Variants in VPS13B observed in about 807,000 individuals in gnomAD.
VPS13B encodes intermembrane lipid transfer protein VPS13B.
A neutral mutation model predicts 426.4 loss-of-function variants in VPS13B; 285 were observed. The ratio of observed to expected loss-of-function variants is 0.67; its 90% CI spans 0.61 to 0.74. The LOEUF (loss-of-function observed/expected upper bound fraction) is 0.74. Ranked by LOEUF, VPS13B falls within the 30% of genes least tolerant of loss-of-function variation. VPS13B has a pLI of 0.00. For synonymous variants in VPS13B, 1,676 were observed against 1,676.4 expected (o/e 1.00, Z 0.01); for missense variants, 4,537 against 4,782.6 (o/e 0.95, Z 1.51).
In VPS13B at chr8:99,697,289, G is replaced by A. The variant is rs549250672; in HGVS notation, c.6047-2236G>A. Reference sequence around the variant, plus strand: ...ACCACAAGGAGCTGCAGAAGCGCTCGGAGTTGGAGAAGGATGTCGCGCCCG... The same window carrying A: ...ACCACAAGGAGCTGCAGAAGCGCTCAGAGTTGGAGAAGGATGTCGCGCCCG... On this transcript the variant is annotated intron_variant, in intron 35 of 61. Transcript: ENST00000357162. 1.6e-4 allele frequency: 94 copies of A among 577,298 alleles called. 1 individual carries two copies. Among genetic ancestry groups the A allele is most frequent in the African/African-American group, 1.2e-3 (63 of 53,182 alleles). 35.8% of individuals were successfully genotyped at this position (577,298 alleles called of 1,614,324 possible). A position where few individuals can be genotyped will look rare whatever the true frequency, so the allele number is the denominator to read the frequency against.
intron 19 of VPS13B, among the ~76,000 whole-genome samples, chr8:99,373,953 G>A (rs576462384): frequency 1.3e-5 from 2 of 151,954 alleles, no homozygotes; most frequent in Non-Finnish European, 2.9e-5. Flanking sequence ...TCAATCTAAA[G>A]CATTTATCTT....
In VPS13B at chr8:99,378,137, C is replaced by A. The variant is rs1037123662; in HGVS notation, c.2825-6071C>A. Among the ~76,000 whole-genome samples the A allele has an allele frequency of 5.2e-4, 65 of 125,586 alleles. 6 individuals are homozygous for A. The highest frequency in any genetic ancestry group is 1.8e-3 in the African/African-American group (59 of 33,658). 82.4% of individuals were successfully genotyped at this position (125,586 alleles called of 152,430 possible). A position where few individuals can be genotyped will look rare whatever the true frequency, so the allele number is the denominator to read the frequency against. On this transcript the variant is annotated intron_variant, in intron 19 of 61. Transcript: ENST00000357162. ...CCCCCAGAGCGGCCATTTTAGAGCC[C>A]CCCCCCCCCGGAATGCATTCTTTTC...
intron 2 of VPS13B, among the ~76,000 whole-genome samples, chr8:99,026,048 GTTTGT>G (rs1036219714): frequency 2.0e-5 from 3 of 151,846 alleles, no homozygotes; most frequent in African/African-American, 7.3e-5. Flanking sequence ...CTAATTTTGT[GTTTGT>G]TTTGTTCTTG....
intron 35 of VPS13B, among the ~76,000 whole-genome samples, chr8:99,666,586 A>G (rs1269800937): frequency 1.3e-5 from 2 of 152,182 alleles, no homozygotes; most frequent in Non-Finnish European, 2.9e-5. Flanking sequence ...GATGCAGAAA[A>G]GGCCTTTGAC....
chr8:99,465,127 G>A (rs1432355701), intron 23 of VPS13B, among the ~76,000 whole-genome samples: 1 of 152,162 alleles, frequency 6.6e-6, no homozygotes, highest in African/African-American at 2.4e-5. Flanking sequence ...TCTCAGAATA[G>A]TATGTGGTTC....
chr8:99,456,847 G>C (rs1381216854), intron 23 of VPS13B, among the ~76,000 whole-genome samples: 3 of 152,078 alleles, frequency 2.0e-5, no homozygotes, highest in Non-Finnish European at 4.4e-5. Flanking sequence ...TCCTGTTTTT[G>C]TAAGTGTGTA....
intron 2 of VPS13B, among the ~76,000 whole-genome samples, chr8:99,030,134 G>A (rs1301329590): frequency 4.3e-4 from 13 of 30,376 alleles, no homozygotes; most frequent in African/African-American, 1.6e-3. Context: ...AAAAATACAT[G>A]CTTTTTTTTT....
At position 99,384,373 on chromosome 8, in the gene VPS13B, G is replaced by C. The variant is rs1814003019; in HGVS notation, c.2934+56G>C. 2.6e-5 allele frequency: 36 copies of C among 1,381,722 alleles called. 2 individuals carry two copies. In the South Asian group the frequency reaches 3.4e-4, roughly 13 times the overall value. The allele number at this position is 1,381,722 out of a possible 1,614,324, so 85.6% of individuals were successfully genotyped here. On this transcript the variant is annotated intron_variant, in intron 20 of 61. Transcript: ENST00000357162. ...AACAAATATTTTTCTTATTCATTTA[G>C]TAGAATTATATATGTCTTTTGATGG...
At chr8:99,543,316 A>G (rs1823743154) in intron 30 of VPS13B, among the ~76,000 whole-genome samples, 1 of 152,204 alleles carries the variant, frequency 6.6e-6, no homozygotes, top group Non-Finnish European at 1.5e-5. Context: ...TCAATTCAAG[A>G]TGGATTAAAG....
chr8:99,181,427 G>A (rs1393961128), intron 16 of VPS13B, among the ~76,000 whole-genome samples: 1 of 152,168 alleles, frequency 6.6e-6, no homozygotes, highest in African/African-American at 2.4e-5. Flanking sequence ...TTAGGAGCAT[G>A]GACCTCAGAA....
At chr8:99,731,148 T>C (rs1169173555) in intron 39 of VPS13B, among the ~76,000 whole-genome samples, 1 of 152,156 alleles carries the variant, frequency 6.6e-6, no homozygotes, top group Non-Finnish European at 1.5e-5. Context: ...ATGGGATTAG[T>C]GGAAGAGTGA....
At chr8:99,171,381 C>A (rs1812321844) in intron 16 of VPS13B, among the ~76,000 whole-genome samples, 2 of 151,842 alleles carry the variant, frequency 1.3e-5, no homozygotes, top group Non-Finnish European at 2.9e-5. Context: ...AAACTATTTT[C>A]TCCGTTATGT....
At chr8:99,792,321 G>C (rs973363070) in intron 43 of VPS13B, among the ~76,000 whole-genome samples, 7 of 152,146 alleles carry the variant, frequency 4.6e-5, no homozygotes, top group Admixed American at 1.3e-4. Context: ...ACAATTAATA[G>C]ATGCTAATCC....
chr8:99,775,154 C>G (rs1407063946), intron 40 of VPS13B, among the ~76,000 whole-genome samples: 3 of 152,152 alleles, frequency 2.0e-5, no homozygotes, highest in African/African-American at 7.2e-5. Context: ...TTCCCACTTT[C>G]CTATTCCTGG....
At chr8:99,330,746 A>G (rs945505516) in intron 19 of VPS13B, among the ~76,000 whole-genome samples, 2 of 151,810 alleles carry the variant, frequency 1.3e-5, no homozygotes, top group South Asian at 2.1e-4. Flanking sequence ...TGATCTAGTC[A>G]TTGTCTTCAA....
In VPS13B at chr8:99,832,663, T is replaced by G. The variant is rs772481590; in HGVS notation, c.9614+11T>G. The G allele has an allele frequency of 3.7e-6, 6 of 1,612,778 alleles. No individual in the cohort carries two copies. Among genetic ancestry groups the G allele is most frequent in the Non-Finnish European group, 5.1e-6 (6 of 1,179,718 alleles). On this transcript the variant is annotated intron_variant, in intron 52 of 61. Transcript: ENST00000357162. Reference sequence around the variant, plus strand: ...TGGATTCTGTACCAGGTATTTTATGTTTATATAAATGTCTGTTCTTCTTTG... The same window carrying G: ...TGGATTCTGTACCAGGTATTTTATGGTTATATAAATGTCTGTTCTTCTTTG...
intron 39 of VPS13B, among the ~76,000 whole-genome samples, chr8:99,751,579 C>T (rs1810397649): frequency 6.6e-6 from 1 of 152,052 alleles, no homozygotes; most frequent in South Asian, 2.1e-4. Flanking sequence ...CCCTAGTTTA[C>T]ACTTATCATG....
Position 99,830,684 on chromosome 8 carries a change from A to G in VPS13B, c.9331-1685A>G, listed in dbSNP as rs1017162176. On this transcript the variant is annotated intron_variant, in intron 51 of 61. Transcript: ENST00000357162. The stretch of plus-strand genomic sequence containing the variant: ...CCTGCAGCTAGCTCGGTATCTGCCC[A>G]AATGGCCGCCTGGTTTTGTGCTTGA... Among the ~76,000 whole-genome samples, 4 of 152,214 alleles carry G rather than the reference A, an allele frequency of 2.6e-5. No homozygotes were observed. In the South Asian group the frequency reaches 6.2e-4, roughly 24 times the overall value.
At chr8:99,339,245 A>G (rs1811100866) in intron 19 of VPS13B, among the ~76,000 whole-genome samples, 1 of 152,164 alleles carries the variant, frequency 6.6e-6, no homozygotes, top group South Asian at 2.1e-4. Context: ...ATAAAGAAAT[A>G]CCTAAGACTG....
Sources: allele counts gnomAD v4.1 joint callset (sites outside exome capture counted in the v4.1 genomes callset), GRCh38; gene constraint gnomAD v4.1.1; transcripts MANE v1.5; gene names NCBI Gene and HGNC (gene_info 2026-07-23, HGNC 2026-07-21).